Variants in ANKRD55 observed in about 807,000 individuals in gnomAD.
ANKRD55 encodes ankyrin repeat domain 55, also known as ankyrin repeat domain-containing protein 55.
In ANKRD55, 41 loss-of-function variants were observed where a neutral mutation model predicts 60.6. The ratio of observed to expected loss-of-function variants is 0.68; its 90% CI spans 0.53 to 0.88. The LOEUF (loss-of-function observed/expected upper bound fraction) is 0.88, where lower values mean the gene tolerates loss of function less well. Among genes scored for constraint, ANKRD55 ranks in the 40% least tolerant of loss-of-function variants. The pLI is 0.00. For synonymous variants in ANKRD55, 264 were observed against 290.3 expected, an observed-to-expected ratio of 0.91 and a Z score of 0.92; for missense variants, 732 against 767.6, an observed-to-expected ratio of 0.95 and a Z score of 0.55.
chr5:56,220,533 G>C (rs897906058), intron 2 of ANKRD55, among the ~76,000 whole-genome samples: 1 of 152,216 alleles, frequency 6.6e-6, no homozygotes, highest in African/African-American at 2.4e-5. Flanking sequence ...AACTGAAAGA[G>C]GCGGGGCACA....
In ANKRD55 at chr5:56,134,485, A is replaced by G. The variant is rs1205687708; in HGVS notation, c.613-7379T>C. On this transcript the variant is annotated intron_variant, in intron 7 of 11. Transcript: ENST00000341048. ...TCCCAGCTACTTGGGAAGCTGGGGC[A>G]AGAGAATTGCTTGAACCCGGGAGTT... 4.4e-5 allele frequency among the ~76,000 whole-genome samples: 5 copies of G among 113,262 alleles called. 2 individuals are homozygous for G. Among genetic ancestry groups the G allele is most frequent in the Non-Finnish European group, 1.0e-4 (5 of 48,028 alleles). The allele number at this position is 113,262 out of a possible 152,430, so 74.3% of individuals were successfully genotyped here. A position where few individuals can be genotyped will look rare whatever the true frequency, so the allele number is the denominator to read the frequency against.
chr5:56,231,673 A>G (rs1760258584), intron 2 of ANKRD55, among the ~76,000 whole-genome samples: 1 of 151,084 alleles, frequency 6.6e-6, no homozygotes, highest in African/African-American at 2.4e-5. Context: ...ACACACACAC[A>G]CACACACACA....
chr5:56,225,400 A>G (rs528350530), intron 2 of ANKRD55, among the ~76,000 whole-genome samples: 9 of 152,336 alleles, frequency 5.9e-5, no homozygotes, highest in African/African-American at 2.2e-4. Context: ...AAAAACTGGA[A>G]GCATTCCCTT....
chr5:56,177,793 CA>C (rs1047253248), intron 3 of ANKRD55, among the ~76,000 whole-genome samples: 1 of 151,640 alleles, frequency 6.6e-6, no homozygotes, highest in Non-Finnish European at 1.5e-5. Context: ...AACACACACA[CA>C]AAGAAACAAA....
chr5:56,148,017 C>T (rs550224133), intron 6 of ANKRD55, among the ~76,000 whole-genome samples: 167 of 152,296 alleles, frequency 1.1e-3, no homozygotes, highest in Non-Finnish European at 1.8e-3. Context: ...ACAGAAATCA[C>T]GATTAAGCTG....
chr5:56,185,039 G>T (rs1455791850), intron 2 of ANKRD55, among the ~76,000 whole-genome samples: 1 of 152,044 alleles, frequency 6.6e-6, no homozygotes, highest in African/African-American at 2.4e-5. Context: ...TGGCCAATGT[G>T]GAGAAACCCA....
chr5:56,233,052 G>A, intron 1 of ANKRD55, 106 bp from the exon 2 acceptor site: 1 of 737,670 alleles, frequency 1.4e-6, no homozygotes, highest in Non-Finnish European at 2.3e-6. Flanking sequence ...CATCAGAGCT[G>A]CAGGTTGTTG....
At chr5:56,159,996 A>C (rs961694277) in intron 5 of ANKRD55, 103 bp from the exon 6 acceptor site, 19 of 941,774 alleles carry the variant, frequency 2.0e-5, no homozygotes, top group Non-Finnish European at 3.2e-5. Context: ...CAGTTGAAAG[A>C]CTCCAAATGA....
At chr5:56,190,588 TAGTC>T (rs1381347304) in intron 2 of ANKRD55, among the ~76,000 whole-genome samples, 1 of 152,246 alleles carries the variant, frequency 6.6e-6, no homozygotes, top group Non-Finnish European at 1.5e-5. Context: ...ACTATTGTCT[TAGTC>T]TGTTTCCTGC....
chr5:56,157,397 TCCACCAGCCCGACA>T (rs1019250810), intron 6 of ANKRD55, among the ~76,000 whole-genome samples: 1 of 152,164 alleles, frequency 6.6e-6, no homozygotes, highest in African/African-American at 2.4e-5. Context: ...GACCTGACCG[TCCACCAGCCCGACA>T]CATGTAAAGG....
intron 3 of ANKRD55, among the ~76,000 whole-genome samples, chr5:56,181,692 C>A: frequency 6.6e-6 from 1 of 152,184 alleles, no homozygotes; most frequent in Admixed American, 6.5e-5. Context: ...CCGGTTCAAG[C>A]AATTCTCGTG....
intron 6 of ANKRD55, among the ~76,000 whole-genome samples, chr5:56,152,284 C>T (rs1049446385): frequency 8.6e-5 from 13 of 151,014 alleles, no homozygotes; most frequent in Admixed American, 7.3e-4. Flanking sequence ...AGAAGTGATG[C>T]TAAGAATTAT....
chr5:56,159,043 C>T (rs1342497464), intron 6 of ANKRD55, among the ~76,000 whole-genome samples: 1 of 151,558 alleles, frequency 6.6e-6, no homozygotes, highest in Non-Finnish European at 1.5e-5. Context: ...AGGGGGGTCT[C>T]ACTTTGTTGC....
At chr5:56,110,766 A>G (rs6898465) in intron 10 of ANKRD55, 21,122 of 250,350 alleles carry the variant, frequency 0.084, 4,155 homozygotes, top group African/African-American at 0.42. Flanking sequence ...TTTAAAAACA[A>G]TCACACAAAC....
intron 9 of ANKRD55, among the ~76,000 whole-genome samples, chr5:56,115,636 A>T (rs541757956): frequency 2.4e-4 from 36 of 152,126 alleles, no homozygotes; most frequent in Non-Finnish European, 4.1e-4. Context: ...GCTGTATTCT[A>T]TTAAGCTTGT....
rs113477709 is a variant in ANKRD55, at chr5:56,217,895, C to CAA, written c.58+14959_58+14960dup. Among the ~76,000 whole-genome samples the CAA allele has an allele frequency of 1.2e-3, 95 of 76,756 alleles. 2 individuals carry two copies. The Middle Eastern group carries it at 0.07, about 57-fold the overall frequency. 50.4% of individuals were successfully genotyped at this position (76,756 alleles called of 152,430 possible). On this transcript the variant is annotated intron_variant, in intron 2 of 11. Transcript: ENST00000341048. The stretch of plus-strand genomic sequence containing the variant: ...TGGGTGACAGAGCGAGACTCCGTCT[C>CAA]AAAAAAAAAAAAAAAAAATTCATGA...
intron 10 of ANKRD55, among the ~76,000 whole-genome samples, chr5:56,105,232 G>T (rs1009142520): frequency 2.6e-5 from 4 of 151,968 alleles, no homozygotes; most frequent in African/African-American, 9.7e-5. Flanking sequence ...AACTACAGGC[G>T]TGCGCCACCA....
chr5:56,148,354 C>T (rs963747399), intron 6 of ANKRD55, among the ~76,000 whole-genome samples: 4 of 152,044 alleles, frequency 2.6e-5, no homozygotes, highest in East Asian at 3.8e-4. Context: ...GCCCTGGTGA[C>T]GGGAGAATTC....
intron 9 of ANKRD55, among the ~76,000 whole-genome samples, chr5:56,112,511 A>AAAACAAAAAAAAAAAAAAAAAAAAC (rs1554036585): frequency 3.7e-5 from 3 of 81,528 alleles, no homozygotes; most frequent in African/African-American, 1.6e-4. Flanking sequence ...TAGCAAAAAA[A>AAAACAAAAAAAAAAAAAAAAAAAAC]AAAAAAAAAA....
Sources: gnomAD v4.1 joint callset for allele counts (sites outside exome capture counted in the v4.1 genomes callset) on GRCh38, gnomAD v4.1.1 for gene constraint, MANE v1.5 for transcripts, NCBI Gene and HGNC (gene_info 2026-07-23, HGNC 2026-07-21) for gene names.